The following HPGD variants were observed in gnomAD, a reference collection of about 807,000 sequenced individuals.
The protein encoded by HPGD is 15-hydroxyprostaglandin dehydrogenase, also known as 15-hydroxyprostaglandin dehydrogenase [NAD(+)].
Under a neutral mutation model 30.0 loss-of-function variants are expected in HPGD, and 29 were observed. The observed-to-expected ratio is 0.97, with a 90% CI of 0.72 to 1.32. HPGD has a LOEUF of 1.32. HPGD is among the 40% of genes most tolerant of loss of function. The probability of loss-of-function intolerance (pLI) is 0.00; values close to 1 mark genes in which losing one functional copy is unlikely to be tolerated. For missense variants in HPGD, 340 were observed against 322.1 expected, an observed-to-expected ratio of 1.06 and a Z score of -0.43; for synonymous variants, 99 against 112.4, an observed-to-expected ratio of 0.88 and a Z score of 0.75.
At chr4:174,503,329 T>C (rs1735015388) in intron 4 of HPGD, among the ~76,000 whole-genome samples, 1 of 152,306 alleles carries the variant, frequency 6.6e-6, no homozygotes, top group East Asian at 1.9e-4. Context: ...CAGGCTAAAA[T>C]GGAGCAAAAT....
In HPGD at chr4:174,493,198, T is replaced by G. The variant is rs773018364; in HGVS notation, c.615A>C (p.Glu205Asp). ...EKEENMGQYI[E>D]YKDHIKDMIK... ...TCATATCCTTGATATGATCCTTATA[T>G]TCTATATATTGTCCCATGTTTTCTT... Residue 205 changes from glutamate to aspartate, a missense_variant, in exon 6 of 7, where the codon GAA becomes GAC. Glu to Asp is a conservative substitution (Grantham distance 45). Coordinates refer to ENST00000296522, the MANE Select transcript of HPGD (RefSeq NM_000860.6). 6.2e-7 allele frequency: 1 copy of G among 1,607,080 alleles called. No homozygotes were observed. The highest frequency in any genetic ancestry group is 8.5e-7 in the Non-Finnish European group (1 of 1,174,122).
intron 6 of HPGD, 138 bp downstream of exon 6, chr4:174,493,013 C>T (rs926941176): frequency 5.7e-6 from 4 of 703,586 alleles, no homozygotes; most frequent in African/African-American, 5.4e-5. Flanking sequence ...TATTTTCTCC[C>T]AGAGAGTTTG....
chr4:174,517,672 C>T (rs1238732854), intron 3 of HPGD, among the ~76,000 whole-genome samples: 1 of 152,118 alleles, frequency 6.6e-6, no homozygotes, highest in Non-Finnish European at 1.5e-5. Flanking sequence ...GCTTGCAGGT[C>T]ATACCAAAAG....
chr4:174,494,635 GT>G lies in HPGD; in HGVS notation c.498+912del, dbSNP rs45516300. Among the ~76,000 whole-genome samples the G allele has an allele frequency of 6.6e-6, 1 of 152,274 alleles. No individual in the cohort carries two copies. Among genetic ancestry groups the G allele is most frequent in the African/African-American group, 2.4e-5 (1 of 41,554 alleles). Reference sequence around the variant, plus strand: ...CTGAACAGTTAACATTTGTGCATCTGTTTTTTCTGTCTCCTACTAATTCTTT... The same window carrying G: ...CTGAACAGTTAACATTTGTGCATCTGTTTTTCTGTCTCCTACTAATTCTTT... On this transcript the variant is annotated intron_variant, in intron 5 of 6. Transcript: ENST00000296522. This position sits in a 1 kb window ranked among gnomAD's most constrained non-coding sequence, Gnocchi z 4.9.
In HPGD at chr4:174,522,290, C is replaced by T. The variant is rs1736181404; in HGVS notation, c.93+69G>A. 8.2e-6 allele frequency: 12 copies of T among 1,464,334 alleles called. No homozygotes were observed. The South Asian group carries it at 1.3e-4, about 16-fold the overall frequency. The allele number at this position is 1,464,334 out of a possible 1,614,324, so 90.7% of individuals were successfully genotyped here. A position where few individuals can be genotyped will look rare whatever the true frequency, so the allele number is the denominator to read the frequency against. On this transcript the variant is annotated intron_variant, in intron 1 of 6. Coordinates refer to ENST00000296522, the MANE Select transcript of HPGD (RefSeq NM_000860.6). ...CGGCCTCCCTGTCTCCGCCAGTGCA[C>T]CTCGGGCGGCGGGGCGAGTCTCGGA...
chr4:174,498,824 T>C (rs969956178), intron 4 of HPGD, among the ~76,000 whole-genome samples: 2 of 152,312 alleles, frequency 1.3e-5, no homozygotes, highest in Non-Finnish European at 2.9e-5. Flanking sequence ...GCAAACTGAC[T>C]CTCAATGTAG....
At chr4:174,517,181 G>T (rs1735825519) in intron 3 of HPGD, among the ~76,000 whole-genome samples, 1 of 152,122 alleles carries the variant, frequency 6.6e-6, no homozygotes, top group African/African-American at 2.4e-5. Context: ...TTTATAGAAT[G>T]AGGTAACCCA....
chr4:174,499,158 G>A (rs1021074848), intron 4 of HPGD, among the ~76,000 whole-genome samples: 18 of 152,292 alleles, frequency 1.2e-4, no homozygotes, highest in Admixed American at 1.1e-3. Context: ...CATAGAGTTA[G>A]ACTAAGTGTG....
At chr4:174,516,358 G>C (rs1331576090) in intron 3 of HPGD, among the ~76,000 whole-genome samples, 1 of 152,120 alleles carries the variant, frequency 6.6e-6, no homozygotes, top group Admixed American at 6.5e-5. Flanking sequence ...CAGCTGGAGA[G>C]CATTATCCTA....
At chr4:174,502,351 A>G (rs1456701257) in intron 4 of HPGD, among the ~76,000 whole-genome samples, 3 of 152,084 alleles carry the variant, frequency 2.0e-5, no homozygotes, top group African/African-American at 7.2e-5. Flanking sequence ...GGGTGCCATT[A>G]AGTTATGCTT....
At chr4:174,508,562 T>C (rs1735298763) in intron 4 of HPGD, 134 bp downstream of exon 4, 1 of 668,706 alleles carries the variant, frequency 1.5e-6, no homozygotes, top group Non-Finnish European at 2.7e-6. Flanking sequence ...CAATAGAAAA[T>C]TCCATGGAAC....
chr4:174,515,968 A>C (rs556727536), intron 3 of HPGD, among the ~76,000 whole-genome samples: 25 of 152,292 alleles, frequency 1.6e-4, no homozygotes, highest in African/African-American at 6.0e-4. Flanking sequence ...ATCATTAAGA[A>C]GTAAAAAATA....
intron 3 of HPGD, among the ~76,000 whole-genome samples, chr4:174,516,096 G>C (rs986804146): frequency 6.6e-6 from 1 of 152,166 alleles, no homozygotes; most frequent in Non-Finnish European, 1.5e-5. Flanking sequence ...TTTTCTCGAA[G>C]AACTTAAAAC....
At chr4:174,510,184 G>A (rs1373533376) in intron 3 of HPGD, among the ~76,000 whole-genome samples, 1 of 151,966 alleles carries the variant, frequency 6.6e-6, no homozygotes, top group East Asian at 1.9e-4. Flanking sequence ...TTTTTGCAAG[G>A]ATTCAGATAT....
intron 3 of HPGD, among the ~76,000 whole-genome samples, chr4:174,510,884 G>A (rs528607997): frequency 1.5e-3 from 235 of 152,040 alleles, no homozygotes; most frequent in African/African-American, 5.3e-3. Flanking sequence ...CAACTAATCC[G>A]CCCACCTCAG....
Position 174,491,198 on chromosome 4 carries a change from T to C in HPGD, c.*758A>G, listed in dbSNP as rs1734326811. The stretch of plus-strand genomic sequence containing the variant: ...TTTTTCTTGTTGAGCATCTTAAATA[T>C]AATATTTTTGGAGTACTAACTATTC... On this transcript the variant is annotated 3_prime_UTR_variant, in exon 7 of 7. Transcript: ENST00000296522. 1 of 152,688 alleles carries C rather than the reference T, an allele frequency of 6.5e-6. No individual in the cohort carries two copies. Among genetic ancestry groups the C allele is most frequent in the African/African-American group, 2.4e-5 (1 of 41,442 alleles). 9.5% of individuals were successfully genotyped at this position (152,688 alleles called of 1,614,324 possible).
intron 3 of HPGD, among the ~76,000 whole-genome samples, chr4:174,513,703 G>A (rs543377188): frequency 1.3e-5 from 2 of 151,728 alleles, no homozygotes; most frequent in Non-Finnish European, 2.9e-5. Flanking sequence ...AACATAAAAG[G>A]TTGCTTATAT....
chr4:174,519,776 T>C (rs540969369), intron 2 of HPGD, among the ~76,000 whole-genome samples: 260 of 152,240 alleles, frequency 1.7e-3, no homozygotes, highest in African/African-American at 5.8e-3. Flanking sequence ...TATTTCCCTT[T>C]GCTGACTCTC....
At chr4:174,513,424 CA>C (rs1735611136) in intron 3 of HPGD, among the ~76,000 whole-genome samples, 1 of 151,288 alleles carries the variant, frequency 6.6e-6, no homozygotes, top group Admixed American at 6.6e-5. Flanking sequence ...CTTAATAAGT[CA>C]GGGGTATCCT....
Sources: gnomAD v4.1 joint callset for allele counts (sites outside exome capture counted in the v4.1 genomes callset) on GRCh38, gnomAD v4.1.1 for gene constraint, Gnocchi (gnomAD v3.1) non-coding constraint, MANE v1.5 for transcripts, NCBI Gene and HGNC (gene_info 2026-07-23, HGNC 2026-07-21) for gene names.